The following ADGRF1 variants were observed in gnomAD, a reference collection of about 807,000 sequenced individuals.
ADGRF1 encodes the protein G protein-coupled receptor 110.
ADGRF1 carries 85 observed loss-of-function variants against 87.2 expected under a neutral mutation model. That is an observed-to-expected ratio of 0.97 (90% confidence interval 0.82 to 1.17). The LOEUF is 1.17. Ranked by LOEUF, ADGRF1 falls within the 50% of genes most tolerant of loss-of-function variation. The pLI is 0.00. For missense variants in ADGRF1, 1,169 were observed against 1,077.2 expected (o/e 1.09, Z -1.19); for synonymous variants, 430 against 408.8 (o/e 1.05, Z -0.63).
At chr6:47,008,899 A>G (rs1459981978) in intron 11 of ADGRF1, 46 bp downstream of exon 11, 1 of 1,514,178 alleles carries the variant, frequency 6.6e-7, no homozygotes, top group Non-Finnish European at 8.9e-7. Context: ...TTCTCTACTT[A>G]TTCCAATCAC....
chr6:47,036,161 C>T (rs1471898531), intron 1 of ADGRF1, among the ~76,000 whole-genome samples: 3 of 152,062 alleles, frequency 2.0e-5, no homozygotes, highest in East Asian at 1.9e-4. Flanking sequence ...GCCCTGGAGG[C>T]GGAGGTTGCA....
rs762013595 is a variant in ADGRF1, at chr6:47,010,280, G to T, written c.1155C>A (p.Ala385=). The part of the protein sequence containing the change: ...ISIADNILNS[A]SVTNWTVLLR... ...GTAAGACTGTCCAGTTGGTTACTGA[G>T]GCTGAATTAAGGATATTGTCAGCTA... The change falls in exon 11 of 15, where the codon GCC becomes GCA. Residue 385 remains alanine, a synonymous_variant. Coordinates refer to ENST00000371253, the MANE Select transcript of ADGRF1 (RefSeq NM_153840.4). 6.2e-7 allele frequency: 1 copy of T among 1,613,080 alleles called. No homozygotes were observed. The highest frequency in any genetic ancestry group is 1.7e-5 in the Admixed American group (1 of 59,920).
intron 9 of ADGRF1, chr6:47,013,588 A>T: frequency 2.0e-6 from 2 of 985,154 alleles, no homozygotes; most frequent in Non-Finnish European, 2.4e-6. Flanking sequence ...CTAGATATTT[A>T]TTTCCTTCTT....
At position 47,016,833 on chromosome 6, in the gene ADGRF1, A is replaced by G. The variant is rs1415967293; in HGVS notation, c.612-65T>C. 8.0e-6 allele frequency: 12 copies of G among 1,496,644 alleles called. No individual in the cohort carries two copies. In the East Asian group the frequency reaches 2.3e-4, roughly 29 times the overall value. 92.7% of individuals were successfully genotyped at this position (1,496,644 alleles called of 1,614,324 possible). ...TTATTTATTCATTCACTCCCGGCCT[A>G]TGCTGTGTGTACATGCCATGGGGTC... On this transcript the variant is annotated intron_variant, in intron 7 of 14. Coordinates refer to ENST00000371253, the MANE Select transcript of ADGRF1 (RefSeq NM_153840.4).
At chr6:47,011,979 G>T in intron 10 of ADGRF1, 28 bp downstream of exon 10, 1 of 1,590,886 alleles carries the variant, frequency 6.3e-7, no homozygotes, top group Non-Finnish European at 8.6e-7. Flanking sequence ...CATTTAAAGT[G>T]AGCCCTTCAA....
At chr6:47,018,789 T>C in intron 7 of ADGRF1, 1 of 288,496 alleles carries the variant, frequency 3.5e-6, no homozygotes, top group South Asian at 3.4e-5. Flanking sequence ...TTTTAAATCA[T>C]ATATGCAAAA....
intron 4 of ADGRF1, 97 bp downstream of exon 4, chr6:47,025,756 AT>A (rs1641243173): frequency 9.4e-7 from 1 of 1,061,582 alleles, no homozygotes; most frequent in African/African-American, 1.6e-5. Flanking sequence ...AATCACAGAG[AT>A]TGTAGGGATG....
chr6:47,014,898 C>G, intron 8 of ADGRF1, 54 bp from the exon 9 acceptor site: 1 of 1,513,966 alleles, frequency 6.6e-7, no homozygotes, highest in East Asian at 2.3e-5. Flanking sequence ...TCCTGGCACT[C>G]TATATAAACC....
chr6:47,002,857 G>T (rs1306289049), intron 13 of ADGRF1, among the ~76,000 whole-genome samples: 1 of 152,078 alleles, frequency 6.6e-6, no homozygotes, highest in African/African-American at 2.4e-5. Context: ...CTTGAAGGAT[G>T]GTCCTTGCTG....
intron 13 of ADGRF1, chr6:47,002,005 T>A (rs1383884110): frequency 1.7e-5 from 3 of 172,114 alleles, no homozygotes; most frequent in African/African-American, 7.2e-5. Context: ...TACTTTTGAA[T>A]GACGCTTTGG....
rs780966611 is a variant in ADGRF1, at chr6:47,012,097, C to T, written c.1026G>A (p.Val342=). 4.3e-6 allele frequency: 7 copies of T among 1,613,968 alleles called. No individual in the cohort carries two copies. The highest frequency in any genetic ancestry group is 5.9e-6 in the Non-Finnish European group (7 of 1,179,980). Residue 342 remains valine (V), a synonymous_variant, in exon 10 of 15, where the codon GTG becomes GTA. Coordinates refer to ENST00000371253, the MANE Select transcript of ADGRF1 (RefSeq NM_153840.4). ...TCGACACCACCGAAGCCAGATTCCCCACTGTGGTTGATGGGTTTTGCCGAA... is the reference window on the plus strand; with the variant it reads ...TCGACACCACCGAAGCCAGATTCCCTACTGTGGTTGATGGGTTTTGCCGAA... ...VIIRQNPSTT[V]GNLASVVSIL...
chr6:47,008,915 A>T, intron 11 of ADGRF1, 30 bp downstream of exon 11: 1 of 1,533,648 alleles, frequency 6.5e-7, no homozygotes, highest in Non-Finnish European at 8.8e-7. Context: ...ATCACTTGAC[A>T]ATACAATAGG....
chr6:47,032,732 A>G (rs886656779), intron 1 of ADGRF1, among the ~76,000 whole-genome samples: 2 of 152,206 alleles, frequency 1.3e-5, no homozygotes, highest in African/African-American at 4.8e-5. Flanking sequence ...AGGTACCCAG[A>G]GTGGTGCCTA....
chr6:47,004,266 TC>T (rs1310127251), intron 13 of ADGRF1, among the ~76,000 whole-genome samples: 2 of 152,164 alleles, frequency 1.3e-5, no homozygotes, highest in African/African-American at 4.8e-5. Flanking sequence ...GTCCTTGGGG[TC>T]CTGCTTTTTC....
chr6:47,002,843 G>A (rs1284890006), intron 13 of ADGRF1, among the ~76,000 whole-genome samples: 1 of 152,132 alleles, frequency 6.6e-6, no homozygotes, highest in Admixed American at 6.5e-5. Flanking sequence ...ACAGTGTGCT[G>A]TGGCTTGAAG....
At chr6:47,014,330 C>T (rs1417102702) in intron 9 of ADGRF1, 2 of 1,023,300 alleles carry the variant, frequency 2.0e-6, no homozygotes, top group African/African-American at 3.4e-5. Flanking sequence ...ATGACTCACA[C>T]CTTCACTCTT....
chr6:47,003,501 T>G (rs1211917525), intron 13 of ADGRF1, among the ~76,000 whole-genome samples: 6 of 152,160 alleles, frequency 3.9e-5, no homozygotes, highest in Non-Finnish European at 7.3e-5. Flanking sequence ...CATTTGCATC[T>G]CTTGCATCAA....
At chr6:47,028,928 TA>T in intron 2 of ADGRF1, 64 bp downstream of exon 2, 1 of 1,319,482 alleles carries the variant, frequency 7.6e-7, no homozygotes, top group Non-Finnish European at 1.1e-6. Context: ...TGAGGGGTTC[TA>T]AAAGTGCCGG....
intron 7 of ADGRF1, chr6:47,018,506 G>C (rs1366200264): frequency 7.8e-7 from 1 of 1,289,732 alleles, no homozygotes; most frequent in Admixed American, 2.3e-5. Context: ...CCATTCTATT[G>C]ATTACAGAGT....
Sources: allele counts gnomAD v4.1 joint callset (sites outside exome capture counted in the v4.1 genomes callset), GRCh38; gene constraint gnomAD v4.1.1; transcripts MANE v1.5; gene names NCBI Gene and HGNC (gene_info 2026-07-23, HGNC 2026-07-21).